The following FMN2 variants were observed in gnomAD, a reference collection of about 807,000 sequenced individuals.
FMN2 encodes the protein formin-2.
A neutral mutation model predicts 142.3 loss-of-function variants in FMN2; 51 were observed. That is an observed-to-expected ratio of 0.36 (90% CI 0.29 to 0.45). FMN2 has a LOEUF of 0.45. FMN2 is among the 20% of genes least tolerant of loss of function. FMN2 has a pLI of 1.00. For missense variants in FMN2, 1,936 were observed against 2,122.8 expected (o/e 0.91, Z 1.73); for synonymous variants, 882 against 869.8 (o/e 1.01, Z -0.25).
chr1:240,165,378 G>T (rs758750997), intron 2 of FMN2, among the ~76,000 whole-genome samples: 1 of 152,032 alleles, frequency 6.6e-6, no homozygotes, highest in Non-Finnish European at 1.5e-5. Context: ...GTCTCTCTGT[G>T]TTATCTAGGC....
chr1:240,240,070 C>T (rs145174182), intron 6 of FMN2, among the ~76,000 whole-genome samples: 243 of 152,180 alleles, frequency 1.6e-3, no homozygotes, highest in Non-Finnish European at 3.0e-3. Context: ...CTTTATGTTC[C>T]GTCTGCCCAT....
At chr1:240,179,381 T>G (rs1665058229) in intron 3 of FMN2, 1 of 152,154 alleles carries the variant, frequency 6.6e-6, no homozygotes, top group South Asian at 2.1e-4. Flanking sequence ...ACTGATGCAC[T>G]GAAATGAGGG....
At chr1:240,148,371 GAGAGAGAGAGAAAGAC>G (rs1440691918) in intron 2 of FMN2, among the ~76,000 whole-genome samples, 16 of 141,500 alleles carry the variant, frequency 1.1e-4, no homozygotes, top group African/African-American at 4.9e-4. Flanking sequence ...CAGAGACAGA[GAGAGAGAGAGAAAGAC>G]AGAGAGAAAG....
chr1:240,391,773 G>A (rs891149515), intron 14 of FMN2, among the ~76,000 whole-genome samples: 9 of 151,850 alleles, frequency 5.9e-5, no homozygotes, highest in Non-Finnish European at 8.8e-5. Flanking sequence ...ATGGAGGTAT[G>A]GGGAAATGGG....
At chr1:240,372,639 C>CT (rs748480743) in intron 14 of FMN2, among the ~76,000 whole-genome samples, 1,512 of 114,800 alleles carry the variant, frequency 0.013, 19 homozygotes, top group African/African-American at 0.038. Context: ...GGAAGAATTT[C>CT]TTTTTTTTTT....
At chr1:240,337,112 G>A (rs16839844) in intron 13 of FMN2, among the ~76,000 whole-genome samples, 27,336 of 151,068 alleles carry the variant, frequency 0.18, 3,150 homozygotes, top group African/African-American at 0.32. Context: ...GGAGTCAAAC[G>A]GAAAATTATT....
chr1:240,402,881 A>T (rs964770188), intron 15 of FMN2, among the ~76,000 whole-genome samples: 1 of 152,146 alleles, frequency 6.6e-6, no homozygotes, highest in Non-Finnish European at 1.5e-5. Context: ...CTAACTTGAA[A>T]TTTTTCTTCA....
intron 8 of FMN2, among the ~76,000 whole-genome samples, chr1:240,312,282 C>G (rs1670626153): frequency 6.6e-6 from 1 of 152,158 alleles, no homozygotes; most frequent in Admixed American, 6.5e-5. Context: ...TTCCTTCAGG[C>G]AGGAGATTTC....
chr1:240,414,302 G>C (rs1051048209), intron 15 of FMN2, among the ~76,000 whole-genome samples: 103 of 152,294 alleles, frequency 6.8e-4, no homozygotes, highest in African/African-American at 2.4e-3. Context: ...GTGATGAATG[G>C]GTAGGGTCAT....
chr1:240,430,714 TAAA>T (rs61378739), intron 15 of FMN2, among the ~76,000 whole-genome samples: 4,739 of 127,492 alleles, frequency 0.037, 248 homozygotes, highest in African/African-American at 0.12. Context: ...ACCATTTGAT[TAAA>T]AAAAAAAAAA....
At chr1:240,348,939 C>T (rs1226477629) in intron 13 of FMN2, among the ~76,000 whole-genome samples, 1 of 152,118 alleles carries the variant, frequency 6.6e-6, no homozygotes, top group Non-Finnish European at 1.5e-5. Flanking sequence ...GTCACTAGCT[C>T]TGTGGATATT....
intron 4 of FMN2, among the ~76,000 whole-genome samples, chr1:240,204,979 T>C (rs924111005): frequency 6.6e-6 from 1 of 152,244 alleles, no homozygotes; most frequent in Non-Finnish European, 1.5e-5. Context: ...ATCCAGAGTT[T>C]AACCTTAGCA....
intron 6 of FMN2, among the ~76,000 whole-genome samples, chr1:240,242,848 A>G (rs1189881698): frequency 6.6e-6 from 1 of 152,232 alleles, no homozygotes; most frequent in African/African-American, 2.4e-5. Context: ...GAGAGGTGTC[A>G]AATGTCACCT....
chr1:240,127,384 TA>T (rs1230602143), intron 2 of FMN2, among the ~76,000 whole-genome samples: 3 of 151,480 alleles, frequency 2.0e-5, no homozygotes, highest in African/African-American at 4.8e-5. Flanking sequence ...TTTTTTTTTT[TA>T]AATGGGAGCT....
chr1:240,245,188 AAT>A, intron 6 of FMN2: 1 of 270,794 alleles, frequency 3.7e-6, no homozygotes, highest in East Asian at 1.0e-4. Flanking sequence ...CTGTCCACTG[AAT>A]AGTCAGAGTT....
intron 14 of FMN2, among the ~76,000 whole-genome samples, chr1:240,382,392 C>T (rs113908423): frequency 2.8e-4 from 42 of 151,778 alleles, no homozygotes; most frequent in African/African-American, 8.9e-4. Flanking sequence ...ATTAAAATAC[C>T]GGCTGGGCCT....
At chr1:240,130,419 C>T (rs1662687326) in intron 2 of FMN2, among the ~76,000 whole-genome samples, 1 of 152,188 alleles carries the variant, frequency 6.6e-6, no homozygotes, top group East Asian at 1.9e-4. Context: ...TCTCCTGCCT[C>T]ACCCTACTGA....
intron 8 of FMN2, among the ~76,000 whole-genome samples, chr1:240,326,807 A>G (rs563504923): frequency 6.6e-6 from 1 of 152,232 alleles, no homozygotes; most frequent in East Asian, 1.9e-4. Flanking sequence ...CTTTCCTTTA[A>G]GACAATAAAG....
chr1:240,376,135 C>G (rs567582088), intron 14 of FMN2, among the ~76,000 whole-genome samples: 1 of 152,008 alleles, frequency 6.6e-6, no homozygotes, highest in Non-Finnish European at 1.5e-5. Context: ...TTTAATACAG[C>G]TACTTCAGCT....
Sources: allele counts gnomAD v4.1 joint callset (sites outside exome capture counted in the v4.1 genomes callset), GRCh38; gene constraint gnomAD v4.1.1; transcripts MANE v1.5; gene names NCBI Gene and HGNC (gene_info 2026-07-23, HGNC 2026-07-21).